COL22A1: variants seen among roughly 807,000 people sequenced by gnomAD.
COL22A1 encodes collagen alpha-1(XXII) chain.
COL22A1 carries 221 observed loss-of-function variants against 248.9 expected under a neutral mutation model. The ratio of observed to expected loss-of-function variants is 0.89; its 90% CI spans 0.80 to 0.99. The LOEUF (loss-of-function observed/expected upper bound fraction) is 0.99. Ranked by LOEUF, COL22A1 falls within the 50% of genes least tolerant of loss-of-function variation. The pLI, the probability that COL22A1 is intolerant of heterozygous loss-of-function variation, is 0.00. For synonymous variants in COL22A1, 891 were observed against 793.4 expected (o/e 1.12, Z -2.07); for missense variants, 2,240 against 2,179.0 (o/e 1.03, Z -0.56).
chr8:138,692,032 G>A (rs1450523821), intron 35 of COL22A1, among the ~76,000 whole-genome samples: 2 of 137,442 alleles, frequency 1.5e-5, no homozygotes, highest in African/African-American at 2.6e-5. Context: ...ATGCATGCGC[G>A]TGCATTTGTG....
intron 12 of COL22A1, among the ~76,000 whole-genome samples, chr8:138,781,421 C>T (rs954912583): frequency 2.0e-5 from 3 of 152,170 alleles, no homozygotes; most frequent in Admixed American, 1.3e-4. Context: ...GTAGGATGCT[C>T]GGCTGCATCC....
chr8:138,607,570 C>A lies in COL22A1; in HGVS notation c.4032+366G>T, dbSNP rs148336414. Among the ~76,000 whole-genome samples the A allele has an allele frequency of 1.5e-4, 23 of 151,236 alleles. No homozygotes were observed. In the East Asian group the frequency reaches 4.3e-3, roughly 28 times the overall value. Reference sequence around the variant, plus strand: ...CCTACCTCCATTCCCATGCTGCACACTTTGTCATTTGAGGTGGTAAGGGTT... The same window carrying A: ...CCTACCTCCATTCCCATGCTGCACAATTTGTCATTTGAGGTGGTAAGGGTT... On this transcript the variant is annotated intron_variant, in intron 57 of 64. Coordinates refer to ENST00000303045, the MANE Select transcript of COL22A1 (RefSeq NM_152888.3).
intron 12 of COL22A1, among the ~76,000 whole-genome samples, chr8:138,784,507 G>A (rs776108904): frequency 2.6e-5 from 4 of 152,120 alleles, no homozygotes; most frequent in African/African-American, 9.7e-5. Context: ...TGGCAGTTCT[G>A]GAATTTAAAT....
intron 30 of COL22A1, among the ~76,000 whole-genome samples, chr8:138,705,802 G>A (rs2131013169): frequency 6.6e-6 from 1 of 152,196 alleles, no homozygotes; most frequent in South Asian, 2.1e-4. Context: ...AAATGTAAAT[G>A]GGCTAAATGC....
At chr8:138,896,116 C>A (rs781217411) in intron 1 of COL22A1, among the ~76,000 whole-genome samples, 42 of 152,090 alleles carry the variant, frequency 2.8e-4, no homozygotes, top group Non-Finnish European at 5.6e-4. Flanking sequence ...ATTTGCCACT[C>A]ACAGGCTTAC....
rs796388728 is a variant in COL22A1, at chr8:138,692,055, TGC to T, written c.2755-1183_2755-1182del. ...GCGTGCATTTGTGAAGGTGTGTGTG[TGC>T]GCGCACGTTTGTGGAGGTGTATGTG... On this transcript the variant is annotated intron_variant, in intron 35 of 64. Coordinates refer to ENST00000303045, the MANE Select transcript of COL22A1 (RefSeq NM_152888.3). Among the ~76,000 whole-genome samples, 188 of 145,878 alleles carry T rather than the reference TGC, an allele frequency of 1.3e-3. 1 individual carries two copies. The highest frequency in any genetic ancestry group is 4.4e-3 in the African/African-American group (168 of 37,988).
intron 4 of COL22A1, among the ~76,000 whole-genome samples, chr8:138,839,852 T>A (rs889357828): frequency 1.3e-5 from 2 of 152,228 alleles, no homozygotes; most frequent in Admixed American, 1.3e-4. Context: ...TGGCTAGAAT[T>A]TGTAGAACAT....
intron 1 of COL22A1, among the ~76,000 whole-genome samples, chr8:138,896,536 G>A (rs1283016191): frequency 6.6e-6 from 1 of 152,264 alleles, no homozygotes; most frequent in East Asian, 1.9e-4. Flanking sequence ...TGTAAAAATT[G>A]TTGAAGTAAT....
At chr8:138,705,938 T>C (rs1042330820) in intron 30 of COL22A1, among the ~76,000 whole-genome samples, 5 of 152,006 alleles carry the variant, frequency 3.3e-5, no homozygotes, top group African/African-American at 1.2e-4. Context: ...TAGAGGAAGA[T>C]CTACCAAGCA....
At chr8:138,881,542 A>G (rs141965593) in intron 2 of COL22A1, among the ~76,000 whole-genome samples, 1 of 152,060 alleles carries the variant, frequency 6.6e-6, no homozygotes, top group Non-Finnish European at 1.5e-5. Flanking sequence ...AAAATTAGCC[A>G]GGCATGGTGG....
In COL22A1 at chr8:138,636,618, GATTTTA is replaced by G; in HGVS notation, c.3555+118_3555+123del. On this transcript the variant is annotated intron_variant, in intron 48 of 64. Transcript: ENST00000303045. ...ACCAAGATGAAAACCATAAAAATGA[GATTTTA>G]AAAAATCCTGCTACAGGCAAAGAAG... The G allele has an allele frequency of 8.0e-6, 6 of 748,748 alleles. No homozygotes were observed. The South Asian group carries it at 1.0e-4, about 13-fold the overall frequency. 46.4% of individuals were successfully genotyped at this position (748,748 alleles called of 1,614,324 possible). A position where few individuals can be genotyped will look rare whatever the true frequency, so the allele number is the denominator to read the frequency against.
intron 50 of COL22A1, among the ~76,000 whole-genome samples, chr8:138,626,639 C>T (rs1359571589): frequency 6.6e-6 from 1 of 152,172 alleles, no homozygotes; most frequent in Admixed American, 6.5e-5. Context: ...GCACATACCT[C>T]AGGACCTTGA....
chr8:138,898,572 A>G (rs1814299422), intron 1 of COL22A1, among the ~76,000 whole-genome samples: 1 of 152,100 alleles, frequency 6.6e-6, no homozygotes, highest in Non-Finnish European at 1.5e-5. Context: ...TCCAACCCAC[A>G]ATCTTCTATC....
At chr8:138,605,959 T>A (rs1818385701) in intron 58 of COL22A1, among the ~76,000 whole-genome samples, 1 of 152,144 alleles carries the variant, frequency 6.6e-6, no homozygotes, top group South Asian at 2.1e-4. Flanking sequence ...CTTCAAGTTC[T>A]AGGATCATGA....
chr8:138,714,951 C>T (rs577026060), intron 30 of COL22A1, among the ~76,000 whole-genome samples: 2 of 152,202 alleles, frequency 1.3e-5, no homozygotes, highest in East Asian at 3.9e-4. Context: ...GCCTCCATTG[C>T]CCTCACACCT....
intron 53 of COL22A1, among the ~76,000 whole-genome samples, chr8:138,617,868 T>C (rs184378086): frequency 7.2e-4 from 109 of 152,298 alleles, no homozygotes; most frequent in Middle Eastern, 3.4e-3. Flanking sequence ...AGAGTTGCTG[T>C]CAGGACTGAA....
At chr8:138,751,271 A>C (rs564458489) in intron 22 of COL22A1, among the ~76,000 whole-genome samples, 187 bp downstream of exon 22, 1 of 152,290 alleles carries the variant, frequency 6.6e-6, no homozygotes, top group South Asian at 2.1e-4. Flanking sequence ...CTGAAGCCCA[A>C]CTCAAGGCAG....
intron 5 of COL22A1, among the ~76,000 whole-genome samples, chr8:138,832,230 C>A (rs755798420): frequency 4.7e-4 from 71 of 152,300 alleles, no homozygotes; most frequent in Admixed American, 1.2e-3. Flanking sequence ...GGGCAGTCAG[C>A]AGCCCTTGGG....
At chr8:138,790,918 G>T (rs559077400) in intron 12 of COL22A1, among the ~76,000 whole-genome samples, 408 of 152,164 alleles carry the variant, frequency 2.7e-3, no homozygotes, top group Admixed American at 4.8e-3. Flanking sequence ...ACCCCCATTT[G>T]CTGTCCCTGC....
Sources: allele counts gnomAD v4.1 joint callset (sites outside exome capture counted in the v4.1 genomes callset), GRCh38; gene constraint gnomAD v4.1.1; transcripts MANE v1.5; gene names NCBI Gene and HGNC (gene_info 2026-07-23, HGNC 2026-07-21).